Variants in CSMD2 observed in about 807,000 individuals in gnomAD.
The protein encoded by CSMD2 is CUB and Sushi multiple domains 2.
In CSMD2, 130 loss-of-function variants were observed where a neutral mutation model predicts 398.5. The ratio of observed to expected loss-of-function variants is 0.33; its 90% CI spans 0.28 to 0.38. The LOEUF is 0.38. Ranked by LOEUF, CSMD2 falls within the 10% of genes least tolerant of loss-of-function variation. CSMD2 has a pLI of 1.00. For synonymous variants in CSMD2, 1,828 were observed against 1,908.5 expected, an observed-to-expected ratio of 0.96 and a Z score of 1.10; for missense variants, 3,829 against 4,764.9, an observed-to-expected ratio of 0.80 and a Z score of 5.78.
intron 3 of CSMD2, among the ~76,000 whole-genome samples, chr1:33,999,686 G>A (rs923480526): frequency 1.3e-5 from 2 of 152,076 alleles, no homozygotes; most frequent in African/African-American, 4.8e-5. Flanking sequence ...AAGCTGCCAT[G>A]CCTAACCAGA....
intron 1 of CSMD2, among the ~76,000 whole-genome samples, chr1:34,119,907 C>G: frequency 6.6e-6 from 1 of 152,300 alleles, no homozygotes; most frequent in South Asian, 2.1e-4. Flanking sequence ...ATTCAACAAC[C>G]TATTTCTGGG....
At chr1:33,844,349 A>C (rs968170603) in intron 6 of CSMD2, among the ~76,000 whole-genome samples, 1 of 152,124 alleles carries the variant, frequency 6.6e-6, no homozygotes. Flanking sequence ...TGTGTCTAGC[A>C]TCTAATGGGC....
At chr1:33,798,167 C>T (rs1432425857) in intron 10 of CSMD2, among the ~76,000 whole-genome samples, 1 of 152,172 alleles carries the variant, frequency 6.6e-6, no homozygotes, top group African/African-American at 2.4e-5. Context: ...ACATGCAGAT[C>T]AATCAAGCTC....
chr1:33,679,010 G>C (rs1376468078), intron 25 of CSMD2, among the ~76,000 whole-genome samples: 1 of 152,106 alleles, frequency 6.6e-6, no homozygotes, highest in Non-Finnish European at 1.5e-5. Context: ...CCGGCCAGCT[G>C]CCCTCTCTTC....
rs761716227 is a variant in CSMD2, at chr1:33,935,864, T to C, written c.608A>G (p.Tyr203Cys). ...CAGGAAGAAGCCAAGGTTGCAGCTG[T>C]AGCGGACCTTGTCACCGAGGTTGAA... ...STFNLGDKVR[Y>C]SCNLGFFLEG... Residue 203 changes from tyrosine (Y) to cysteine (C), a missense_variant, in exon 4 of 71, where the codon TAC (tyrosine) becomes TGC (cysteine). Physicochemically the swap from Tyr to Cys is radical, Grantham distance 194. Transcript: ENST00000373381. 5.6e-6 allele frequency: 9 copies of C among 1,614,076 alleles called. No homozygotes were observed. The Admixed American group carries it at 1.0e-4, about 18-fold the overall frequency.
At chr1:33,538,960 G>A (rs866748392) in intron 60 of CSMD2, among the ~76,000 whole-genome samples, 7 of 152,106 alleles carry the variant, frequency 4.6e-5, no homozygotes, top group African/African-American at 1.7e-4. Flanking sequence ...TTTGCTGCAG[G>A]AGTAAAGAAA....
intron 3 of CSMD2, among the ~76,000 whole-genome samples, chr1:34,023,382 G>A (rs1171699558): frequency 6.6e-6 from 1 of 152,200 alleles, no homozygotes; most frequent in African/African-American, 2.4e-5. Flanking sequence ...GCTATCCACT[G>A]AGCCATATGC....
At chr1:33,757,967 G>A (rs1280455526) in intron 13 of CSMD2, among the ~76,000 whole-genome samples, 1 of 152,054 alleles carries the variant, frequency 6.6e-6, no homozygotes, top group Non-Finnish European at 1.5e-5. Context: ...TCGGCTCCAG[G>A]GTCAATTTTG....
At chr1:34,109,663 GGA>G (rs1660851455) in intron 1 of CSMD2, among the ~76,000 whole-genome samples, 2 of 151,994 alleles carry the variant, frequency 1.3e-5, no homozygotes, top group Non-Finnish European at 2.9e-5. Flanking sequence ...GCATCTGTAA[GGA>G]ACTTAAACAA....
chr1:34,107,839 A>T (rs1050233318), intron 1 of CSMD2, among the ~76,000 whole-genome samples: 6 of 152,178 alleles, frequency 3.9e-5, no homozygotes, highest in African/African-American at 1.2e-4. Flanking sequence ...CAGAAAGGGG[A>T]CCACATGGGG....
At chr1:34,123,232 C>A (rs1266847799) in intron 1 of CSMD2, among the ~76,000 whole-genome samples, 1 of 152,140 alleles carries the variant, frequency 6.6e-6, no homozygotes, top group Non-Finnish European at 1.5e-5. Flanking sequence ...TTAAGTTGAT[C>A]ACCAATGGCC....
intron 2 of CSMD2, among the ~76,000 whole-genome samples, chr1:34,086,033 A>AG (rs1421843228): frequency 6.6e-6 from 1 of 151,470 alleles, no homozygotes; most frequent in African/African-American, 2.4e-5. Context: ...AAAAAAAAAA[A>AG]AAGAAAGAAA....
intron 3 of CSMD2, among the ~76,000 whole-genome samples, chr1:34,011,659 G>A (rs1366779232): frequency 6.6e-6 from 1 of 151,984 alleles, no homozygotes; most frequent in Non-Finnish European, 1.5e-5. Flanking sequence ...GCATGCAATG[G>A]GTGATAATCA....
chr1:33,533,931 T>C lies in CSMD2; in HGVS notation c.9880-24A>G, dbSNP rs1655503154. ...ACCTGCGGCAAGATACAAAGTCCCA[T>C]CAGCCCCTTCCTTTCAGCGGTGCTT... On this transcript the variant is annotated intron_variant, in intron 62 of 70. Transcript: ENST00000373381. This position sits in a 1 kb window ranked among gnomAD's most constrained non-coding sequence, Gnocchi z 4.2. 7 of 1,493,072 alleles carry C rather than the reference T, an allele frequency of 4.7e-6. No individual in the cohort carries two copies. Among genetic ancestry groups the C allele is most frequent in the African/African-American group, 1.4e-5 (1 of 72,512 alleles). The allele number at this position is 1,493,072 out of a possible 1,614,324, so 92.5% of individuals were successfully genotyped here.
rs1188224166 is a variant in CSMD2, at chr1:33,768,802, A to G, written c.1846+3767T>C. Reference sequence around the variant, plus strand: ...CCAATTTTCCCTCCCTTGACCTCTCAAGATTAGATTGCTGATTTGTAACTT... The same window carrying G: ...CCAATTTTCCCTCCCTTGACCTCTCGAGATTAGATTGCTGATTTGTAACTT... On this transcript the variant is annotated intron_variant, in intron 13 of 70. Transcript: ENST00000373381. Among the ~76,000 whole-genome samples, 3 of 152,100 alleles carry G rather than the reference A, an allele frequency of 2.0e-5. No individual in the cohort carries two copies. In the East Asian group the frequency reaches 5.8e-4, roughly 29 times the overall value.
Position 33,810,806 on chromosome 1 carries a change from G to A in CSMD2, c.1383C>T (p.Phe461=), listed in dbSNP as rs867435567. ...GPSGIITSPN[F]PIQYDNNAHC... ...GTGCATTGTTGTCATACTGAATGGGGAAATTGGGGGAGGTGATGATGCCCG... is the reference window on the plus strand; with the variant it reads ...GTGCATTGTTGTCATACTGAATGGGAAAATTGGGGGAGGTGATGATGCCCG... The change falls in exon 10 of 71, where the codon TTC becomes TTT. Residue 461 remains phenylalanine (F), a synonymous_variant. Transcript: ENST00000373381. 2 of 1,612,494 alleles carry A rather than the reference G, an allele frequency of 1.2e-6. No individual in the cohort carries two copies. The highest frequency in any genetic ancestry group is 1.7e-6 in the Non-Finnish European group (2 of 1,179,264).
At position 33,930,867 on chromosome 1, in the gene CSMD2, C is replaced by T. The variant is rs74069850; in HGVS notation, c.712+4893G>A. 1.1e-3 allele frequency among the ~76,000 whole-genome samples: 171 copies of T among 152,276 alleles called. 1 individual carries two copies. Among genetic ancestry groups the T allele is most frequent in the African/African-American group, 4.0e-3 (167 of 41,526 alleles). On this transcript the variant is annotated intron_variant, in intron 4 of 70. Coordinates refer to ENST00000373381, the MANE Select transcript of CSMD2 (RefSeq NM_001281956.2). ...CTTTGGGATGGGCCTCCTTGGGGGT[C>T]GGCCTTACACCTGGCTCCCCCCTAT...
At chr1:34,128,366 C>T (rs888952172) in intron 1 of CSMD2, among the ~76,000 whole-genome samples, 8 of 152,200 alleles carry the variant, frequency 5.3e-5, no homozygotes, top group African/African-American at 1.9e-4. Context: ...ATCCCATGTC[C>T]TTCAAAGACT....
At position 33,537,514 on chromosome 1, in the gene CSMD2, G is replaced by A. The variant is rs1263364218; in HGVS notation, c.9727C>T (p.Pro3243Ser). 1 of 1,614,164 alleles carries A rather than the reference G, an allele frequency of 6.2e-7. No individual in the cohort carries two copies. Among genetic ancestry groups the A allele is most frequent in the East Asian group, 2.2e-5 (1 of 44,880 alleles). ...CGTGGAGAGCCCACCAGCACCAGAG[G>A]GGGATGGCAGGAGAAGGAGACAGAT... ...RSSVSFSCHP[P>S]LVLVGSPRRF... Residue 3243 changes from proline to serine, a missense_variant, in exon 61 of 71, where the codon CCT becomes TCT. By Grantham distance (74) the Pro-to-Ser change is moderately conservative. This residue lies in a region of CSMD2 where 917 missense variants were observed against 1,199.5 expected (regional missense o/e 0.76). Transcript: ENST00000373381. The surrounding 1 kb of genome is among the most constrained non-coding windows in gnomAD (Gnocchi z 4.6).
Sources: gnomAD v4.1 joint callset for allele counts (sites outside exome capture counted in the v4.1 genomes callset) on GRCh38, gnomAD v4.1.1 for gene constraint, gnomAD v4.1.1 regional missense constraint, Gnocchi (gnomAD v3.1) non-coding constraint, MANE v1.5 for transcripts, NCBI Gene and HGNC (gene_info 2026-07-23, HGNC 2026-07-21) for gene names.